Variants in MYO16 observed in about 807,000 individuals in gnomAD.
MYO16 encodes myosin XVI.
MYO16 carries 94 observed loss-of-function variants against 205.3 expected under a neutral mutation model. The ratio of observed to expected loss-of-function variants is 0.46; its 90% CI spans 0.39 to 0.54. The LOEUF is 0.54. MYO16 is among the 20% of genes least tolerant of loss of function. The pLI is 0.00. For synonymous variants in MYO16, 988 were observed against 954.0 expected (o/e 1.04, Z -0.66); for missense variants, 2,315 against 2,387.5 (o/e 0.97, Z 0.63).
chr13:108,863,492 C>T (rs951295932), intron 11 of MYO16, among the ~76,000 whole-genome samples: 4 of 151,960 alleles, frequency 2.6e-5, no homozygotes, highest in African/African-American at 9.7e-5. Context: ...TTATTAGTTA[C>T]AATTATTGAT....
chr13:108,637,163 A>C (rs1275887391), intron 1 of MYO16, among the ~76,000 whole-genome samples: 1 of 152,198 alleles, frequency 6.6e-6, no homozygotes, highest in Admixed American at 6.5e-5. Flanking sequence ...TTTGACTTTT[A>C]TACAGACTTC....
intron 27 of MYO16, among the ~76,000 whole-genome samples, chr13:109,086,413 A>G (rs935744472): frequency 6.6e-6 from 1 of 152,214 alleles, no homozygotes; most frequent in African/African-American, 2.4e-5. Flanking sequence ...AGCCTTTGAG[A>G]TATGTGTTGT....
At chr13:108,516,527 C>T in the MYO16 span, among the ~76,000 whole-genome samples, 1 of 152,144 alleles carries the variant, frequency 6.6e-6, no homozygotes, top group African/African-American at 2.4e-5. Flanking sequence ...GAAAATTGAT[C>T]TTAGTCTTTT....
intron 34 of MYO16, among the ~76,000 whole-genome samples, chr13:109,191,525 A>T (rs1458762946): frequency 9.2e-5 from 14 of 152,138 alleles, no homozygotes; most frequent in Admixed American, 8.5e-4. Flanking sequence ...ATTGTAAATC[A>T]GGGATCAAAA....
intron 21 of MYO16, among the ~76,000 whole-genome samples, chr13:108,997,057 A>G (rs1885024770): frequency 2.6e-5 from 4 of 152,238 alleles, no homozygotes; most frequent in African/African-American, 7.2e-5. Flanking sequence ...TTGGGAAGCC[A>G]AGGCAGGTGG....
In MYO16 at chr13:108,844,636, T is replaced by A. The variant is rs150048609; in HGVS notation, c.1248+143T>A. ...CATAGATTAATATTTTGCTTGCAGTTTTCATAAACAATTAGTGCATTCTGC... is the reference window on the plus strand; with the variant it reads ...CATAGATTAATATTTTGCTTGCAGTATTCATAAACAATTAGTGCATTCTGC... On this transcript the variant is annotated intron_variant, in intron 10 of 34. Transcript: ENST00000457511. The A allele has an allele frequency of 3.6e-3, 2,995 of 828,348 alleles. 12 individuals are homozygous for A. Among genetic ancestry groups the A allele is most frequent in the Non-Finnish European group, 4.6e-3 (2,661 of 578,592 alleles). The allele number at this position is 828,348 out of a possible 1,614,324, so 51.3% of individuals were successfully genotyped here.
At chr13:109,076,133 CTT>C (rs1295564155) in intron 27 of MYO16, among the ~76,000 whole-genome samples, 1 of 152,002 alleles carries the variant, frequency 6.6e-6, no homozygotes, top group Non-Finnish European at 1.5e-5. Flanking sequence ...TGTTCTCTGT[CTT>C]TTTTTCTTTG....
At chr13:109,192,015 A>T (rs1879940271) in intron 34 of MYO16, among the ~76,000 whole-genome samples, 2 of 152,344 alleles carry the variant, frequency 1.3e-5, no homozygotes, top group Non-Finnish European at 1.5e-5. Flanking sequence ...AGCGAAATTC[A>T]GGCTAAAATA....
intron 11 of MYO16, among the ~76,000 whole-genome samples, chr13:108,863,479 A>G (rs1056517927): frequency 2.0e-5 from 3 of 152,106 alleles, no homozygotes; most frequent in African/African-American, 7.2e-5. Flanking sequence ...GTTTTTTAAA[A>G]TATTATTAGT....
intron 3 of MYO16, among the ~76,000 whole-genome samples, chr13:108,726,047 A>G (rs771338941): frequency 7.9e-5 from 12 of 152,190 alleles, no homozygotes; most frequent in Non-Finnish European, 1.6e-4. Flanking sequence ...TAATGGTACT[A>G]TCCAGTAAAT....
At chr13:108,565,347 G>T in the MYO16 span, among the ~76,000 whole-genome samples, 1 of 152,076 alleles carries the variant, frequency 6.6e-6, no homozygotes, top group African/African-American at 2.4e-5. Flanking sequence ...GTCCTCTTCA[G>T]TTTTTTCATC....
At chr13:108,774,447 A>T (rs2138889269) in intron 4 of MYO16, among the ~76,000 whole-genome samples, 1 of 152,356 alleles carries the variant, frequency 6.6e-6, no homozygotes, top group East Asian at 1.9e-4. Context: ...TCCCTATAGG[A>T]ACTATGCAGT....
In MYO16 at chr13:109,110,133, A is replaced by G. The variant is rs557353017; in HGVS notation, c.3438+9246A>G. ...GGGCAAACCATTATTGACATGATGT[A>G]GGCCATTTTGTTAAAAAGAAAGATC... is the stretch of plus-strand genomic sequence containing the variant. On this transcript the variant is annotated intron_variant, in intron 28 of 34. Coordinates refer to ENST00000457511, the MANE Select transcript of MYO16 (RefSeq NM_001198950.3). Among the ~76,000 whole-genome samples the G allele has an allele frequency of 5.9e-5, 9 of 152,380 alleles. No individual in the cohort carries two copies. The South Asian group carries it at 1.9e-3, about 32-fold the overall frequency.
the MYO16 span, among the ~76,000 whole-genome samples, chr13:108,577,299 T>G: frequency 2.0e-5 from 3 of 152,206 alleles, no homozygotes. Context: ...AAGGCTGGAT[T>G]CTCGAGGCAG....
At position 108,985,705 on chromosome 13, in the gene MYO16, A is replaced by G. The variant is rs73616473; in HGVS notation, c.2370-6671A>G. Among the ~76,000 whole-genome samples the G allele has an allele frequency of 3.0e-3, 464 of 152,330 alleles. 2 individuals carry two copies. In the Middle Eastern group the frequency reaches 0.044, roughly 15 times the overall value. ...AGATGATGCTTGAGCTTCTTGTAGT[A>G]GCCAGAGCCAACCGTAATAATTTCA... On this transcript the variant is annotated intron_variant, in intron 20 of 34. Coordinates refer to ENST00000457511, the MANE Select transcript of MYO16 (RefSeq NM_001198950.3).
Position 109,009,002 on chromosome 13 carries a change from G to T in MYO16, c.2548G>T (p.Ala850Ser). ...ACAAGAGGGAGTTACCATGGAAACA[G>T]CATATTCTCCTGGTAACCAGAATGG... ...CVQEGVTMET[A>S]YSPGNQNGVL... Residue 850 changes from alanine (A) to serine (S), a missense_variant, in exon 22 of 35, where the codon GCA (alanine) becomes TCA (serine). Ala to Ser is a moderately conservative substitution (Grantham distance 99). This residue lies in a region of MYO16 where 1,213 missense variants were observed against 1,274.4 expected (regional missense o/e 0.95). Coordinates refer to ENST00000457511, the MANE Select transcript of MYO16 (RefSeq NM_001198950.3). 6.2e-7 allele frequency: 1 copy of T among 1,608,016 alleles called. No homozygotes were observed. Among genetic ancestry groups the T allele is most frequent in the South Asian group, 1.1e-5 (1 of 89,202 alleles).
intron 27 of MYO16, among the ~76,000 whole-genome samples, chr13:109,068,141 G>T (rs1339745467): frequency 1.3e-5 from 2 of 150,888 alleles, no homozygotes; most frequent in African/African-American, 2.4e-5. Context: ...TAATACAATT[G>T]TGAGGTCCAT....
chr13:108,587,879 G>T, the MYO16 span, among the ~76,000 whole-genome samples: 2 of 148,640 alleles, frequency 1.3e-5, no homozygotes, highest in Non-Finnish European at 2.9e-5. Flanking sequence ...TGGGTCATAA[G>T]TTACCTTCTC....
chr13:108,897,914 C>A, intron 14 of MYO16, 102 bp from the exon 15 acceptor site: 2 of 962,234 alleles, frequency 2.1e-6, no homozygotes, highest in Admixed American at 4.1e-5. Flanking sequence ...AGGATAGAAA[C>A]TTTCAGACCA....
Sources: gnomAD v4.1 joint callset for allele counts (sites outside exome capture counted in the v4.1 genomes callset) on GRCh38, gnomAD v4.1.1 for gene constraint, gnomAD v4.1.1 regional missense constraint, MANE v1.5 for transcripts, NCBI Gene and HGNC (gene_info 2026-07-23, HGNC 2026-07-21) for gene names.